EXTL3: variants seen among roughly 807,000 people sequenced by gnomAD.
The protein encoded by EXTL3 is exostosin like glycosyltransferase 3.
In EXTL3, 27 loss-of-function variants were observed where a neutral mutation model predicts 69.3. The observed-to-expected ratio is 0.39, with a 90% CI of 0.29 to 0.54. The LOEUF (loss-of-function observed/expected upper bound fraction) is 0.54, where lower values mean the gene tolerates loss of function less well. Among genes scored for constraint, EXTL3 ranks in the 20% least tolerant of loss-of-function variants. The pLI is 0.69. For missense variants in EXTL3, 1,003 were observed against 1,231.8 expected (o/e 0.81, Z 2.78); for synonymous variants, 511 against 499.4 (o/e 1.02, Z -0.31).
intron 1 of EXTL3, among the ~76,000 whole-genome samples, chr8:28,632,010 C>T (rs983040595): frequency 4.6e-5 from 7 of 151,812 alleles, no homozygotes; most frequent in African/African-American, 1.7e-4. Context: ...ATCACTTGAA[C>T]CTGGGAGGCG....
At chr8:28,712,046 A>G (rs1029713150) in intron 1 of EXTL3, among the ~76,000 whole-genome samples, 8 of 152,182 alleles carry the variant, frequency 5.3e-5, no homozygotes, top group Non-Finnish European at 1.0e-4. Flanking sequence ...GGGAATTAAT[A>G]AATTACAAGA....
At chr8:28,747,022 C>A (rs190146836) in intron 6 of EXTL3, among the ~76,000 whole-genome samples, 3 of 152,208 alleles carry the variant, frequency 2.0e-5, no homozygotes, top group African/African-American at 7.2e-5. Flanking sequence ...ATTTGGAAAC[C>A]ACTGCTTCCG....
At chr8:28,635,557 AAAAATT>A (rs892133760) in intron 1 of EXTL3, among the ~76,000 whole-genome samples, 4 of 151,530 alleles carry the variant, frequency 2.6e-5, no homozygotes, top group African/African-American at 9.7e-5. Context: ...AAAAAAAAAA[AAAAATT>A]AGCCAGGCAT....
chr8:28,615,698 G>T (rs572815560), intron 2 of EXTL3, among the ~76,000 whole-genome samples: 10 of 151,970 alleles, frequency 6.6e-5, no homozygotes, highest in African/African-American at 2.4e-4. Flanking sequence ...CTCCCAAGTA[G>T]TTGGGATTAC....
intron 1 of EXTL3, among the ~76,000 whole-genome samples, chr8:28,640,022 C>T (rs1192332461): frequency 6.6e-6 from 1 of 152,190 alleles, no homozygotes; most frequent in Non-Finnish European, 1.5e-5. Flanking sequence ...ATCACTTGAA[C>T]CTGGGAGGCA....
intron 1 of EXTL3, among the ~76,000 whole-genome samples, chr8:28,632,678 G>A (rs1379788127): frequency 2.0e-5 from 3 of 150,036 alleles, no homozygotes; most frequent in Non-Finnish European, 4.4e-5. Flanking sequence ...CTCAGCCTTC[G>A]AAATAGCAGG....
chr8:28,622,761 C>G (rs547284690), exon 1 of EXTL3: 1 of 152,054 alleles, frequency 6.6e-6, no homozygotes. Flanking sequence ...GCGCTGTCGC[C>G]GGCTGCAGTG....
chr8:28,674,874 C>G (rs115899405), intron 1 of EXTL3, among the ~76,000 whole-genome samples: 2,183 of 152,206 alleles, frequency 0.014, 55 homozygotes, highest in African/African-American at 0.049. Context: ...GAGGATGAAG[C>G]CTGCATTGCC....
upstream of EXTL3, chr8:28,699,576 T>C (rs1800743805): frequency 6.6e-6 from 1 of 152,476 alleles, no homozygotes; most frequent in Non-Finnish European, 1.5e-5. Flanking sequence ...TGGTGCGATC[T>C]CGGCTCCCTG....
intron 1 of EXTL3, among the ~76,000 whole-genome samples, chr8:28,661,990 A>C (rs906451278): frequency 2.6e-5 from 4 of 151,028 alleles, no homozygotes; most frequent in Non-Finnish European, 5.9e-5. Context: ...TATATAATAC[A>C]ATATAAAATA....
chr8:28,709,982 A>G (rs1801000856), intron 1 of EXTL3, among the ~76,000 whole-genome samples: 1 of 152,212 alleles, frequency 6.6e-6, no homozygotes, highest in African/African-American at 2.4e-5. Context: ...TCAGCCCTCC[A>G]ATGAGGAGCT....
At position 28,623,767 on chromosome 8, in the gene EXTL3, C is replaced by T. The variant is rs1806449486; in HGVS notation, c.-53+957C>T. On this transcript the variant is annotated intron_variant, in intron 1 of 6. Coordinates refer to the EXTL3 transcript ENST00000523149. This position sits in a 1 kb window ranked among gnomAD's most constrained non-coding sequence, Gnocchi z 4.2. ...GATTTTACTTGTGAACTCCTTTAGG[C>T]ATTTAGTAATAAAGGTTATAATTAG... is the stretch of plus-strand genomic sequence containing the variant. 6.6e-6 allele frequency among the ~76,000 whole-genome samples: 1 copy of T among 152,178 alleles called. No homozygotes were observed. The highest frequency in any genetic ancestry group is 1.5e-5 in the Non-Finnish European group (1 of 68,036).
At chr8:28,691,427 T>C (rs145569966) in intron 1 of EXTL3, among the ~76,000 whole-genome samples, 1 of 152,326 alleles carries the variant, frequency 6.6e-6, no homozygotes, top group African/African-American at 2.4e-5. Flanking sequence ...ACTGTGAAGA[T>C]CATGTAGAAA....
intron 3 of EXTL3, among the ~76,000 whole-genome samples, chr8:28,718,552 C>T (rs1439667105): frequency 1.3e-5 from 2 of 152,184 alleles, no homozygotes; most frequent in Non-Finnish European, 2.9e-5. Flanking sequence ...AGCACTTAGC[C>T]TCTAGGCACT....
intron 1 of EXTL3, among the ~76,000 whole-genome samples, chr8:28,659,744 GCTTT>G (rs1347727297): frequency 6.6e-6 from 1 of 152,146 alleles, no homozygotes; most frequent in African/African-American, 2.4e-5. Flanking sequence ...ACAAAGAGCT[GCTTT>G]TAAGCTTTTT....
At chr8:28,662,446 G>A (rs1440214487) in intron 1 of EXTL3, among the ~76,000 whole-genome samples, 1 of 152,186 alleles carries the variant, frequency 6.6e-6, no homozygotes, top group Non-Finnish European at 1.5e-5. Context: ...ACAACAATAT[G>A]TATTTCCAAT....
At chr8:28,709,870 G>A (rs892963720) in intron 1 of EXTL3, among the ~76,000 whole-genome samples, 2 of 152,144 alleles carry the variant, frequency 1.3e-5, no homozygotes, top group Non-Finnish European at 2.9e-5. Flanking sequence ...ACCAGCACGT[G>A]CACAGTTCTG....
intron 4 of EXTL3, among the ~76,000 whole-genome samples, chr8:28,736,153 T>C (rs1801648203): frequency 6.6e-6 from 1 of 152,220 alleles, no homozygotes; most frequent in African/African-American, 2.4e-5. Context: ...TGGTATATTT[T>C]ATGTTTGTTT....
rs570664260 is a variant in EXTL3 at position 28,753,213 on chromosome 8, A to T, written c.*2347A>T. 1.3e-5 allele frequency: 2 copies of T among 152,374 alleles called. No homozygotes were observed. Among genetic ancestry groups the T allele is most frequent in the African/African-American group, 4.8e-5 (2 of 41,566 alleles). The allele number at this position is 152,374 out of a possible 1,614,324, so 9.4% of individuals were successfully genotyped here. A position where few individuals can be genotyped will look rare whatever the true frequency, so the allele number is the denominator to read the frequency against. ...CAAGGTGGCCACAGTGTCACTGGTC[A>T]GGTGCTTCTCACCACGGGAAAGCCG... On this transcript the variant is annotated 3_prime_UTR_variant, in exon 7 of 7. Coordinates refer to ENST00000220562, the MANE Select transcript of EXTL3 (RefSeq NM_001440.4).
Sources: allele counts gnomAD v4.1 joint callset (sites outside exome capture counted in the v4.1 genomes callset), GRCh38; gene constraint gnomAD v4.1.1; non-coding constraint Gnocchi (gnomAD v3.1); transcripts MANE v1.5; gene names NCBI Gene and HGNC (gene_info 2026-07-23, HGNC 2026-07-21).